WDR54: variants seen among roughly 807,000 people sequenced by gnomAD.
WDR54 encodes WD repeat-containing protein 54.
WDR54 carries 44 observed loss-of-function variants against 44.1 expected under a neutral mutation model. That is an observed-to-expected ratio of 1.00 (90% confidence interval 0.78 to 1.28). The LOEUF is 1.28. Among genes scored for constraint, WDR54 ranks in the 50% most tolerant of loss-of-function variants. WDR54 has a pLI of 0.00. For missense variants in WDR54, 409 were observed against 429.7 expected, an observed-to-expected ratio of 0.95 and a Z score of 0.43; for synonymous variants, 169 against 169.8, an observed-to-expected ratio of 1.00 and a Z score of 0.04.
Position 74,425,441 on chromosome 2 carries a change from T to G in WDR54, c.823T>G (p.Phe275Val). 6.2e-7 allele frequency: 1 copy of G among 1,614,224 alleles called. No homozygotes were observed. The highest frequency in any genetic ancestry group is 8.5e-7 in the Non-Finnish European group (1 of 1,180,034). ...GCTACTCTCTGCAGGTGAGGACACC[T>G]TTGTGCATATCTGGAAGCTGAGCAG... ...GKLLSAGEDTFVHIWKLSRNP... is the reference protein window; with the variant it reads ...GKLLSAGEDTVVHIWKLSRNP... Residue 275 changes from phenylalanine (F) to valine (V), a missense_variant, in exon 9 of 10, where the codon TTT becomes GTT. Physicochemically the swap from Phe to Val is conservative, Grantham distance 50 (BLOSUM62 -1). Coordinates refer to ENST00000348227, the MANE Select transcript of WDR54 (RefSeq NM_032118.4).
chr2:74,425,752 C>T lies in WDR54; in HGVS notation c.*51C>T. 1.2e-6 allele frequency: 2 copies of T among 1,611,956 alleles called. No homozygotes were observed. Among genetic ancestry groups the T allele is most frequent in the Non-Finnish European group, 1.7e-6 (2 of 1,179,222 alleles). On this transcript the variant is annotated 3_prime_UTR_variant, in exon 10 of 10. Transcript: ENST00000348227. The stretch of plus-strand genomic sequence containing the variant: ...TGGTATTCATAAAGTACCCGCTCCA[C>T]CCAGCCTTTGTCTGATTACTCAGTA...
chr2:74,424,098 TTTTCCTAGTC>T, intron 6 of WDR54, 116 bp downstream of exon 6: 1 of 1,332,022 alleles, frequency 7.5e-7, no homozygotes, highest in Non-Finnish European at 1.0e-6. Flanking sequence ...CAAATCTACA[TTTTCCTAGTC>T]TTCAGCAACC....
At chr2:74,423,452 T>C in intron 4 of WDR54, 26 bp from the exon 5 acceptor site, 1 of 1,613,940 alleles carries the variant, frequency 6.2e-7, no homozygotes, top group Non-Finnish European at 8.5e-7. Context: ...GGGATATTTC[T>C]GATCATTCTC....
chr2:74,425,569 G>A lies in WDR54; in HGVS notation c.874-1G>A. 8 of 1,614,242 alleles carry A rather than the reference G, an allele frequency of 5.0e-6. No individual in the cohort carries two copies. The highest frequency in any genetic ancestry group is 6.8e-6 in the Non-Finnish European group (8 of 1,180,040). On this transcript the variant is annotated splice_acceptor_variant, in intron 9 of 9. Transcript: ENST00000348227. LOFTEE classifies it high-confidence loss of function. The stretch of plus-strand genomic sequence containing the variant: ...CCCTGACGAGCCCTCTGCTCCCCCA[G>A]GTGGAACACTGTCATGGTGAGTGTG...
At position 74,422,175 on chromosome 2, in the gene WDR54, A is replaced by T; in HGVS notation, c.22A>T (p.Ile8Phe). 2 of 1,613,310 alleles carry T rather than the reference A, an allele frequency of 1.2e-6. No individual in the cohort carries two copies. Among genetic ancestry groups the T allele is most frequent in the Non-Finnish European group, 8.5e-7 (1 of 1,180,018 alleles). Residue 8 changes from isoleucine to phenylalanine, a missense_variant, in exon 2 of 10, where the codon ATT becomes TTT. Transcript: ENST00000348227. The stretch of plus-strand genomic sequence containing the variant: ...CAGGATGTTCCGCTGGGAGCGCTCC[A>T]TTCCCCTGCGAGGCTCGGCCGCCGC... MFRWERS[I>F]PLRGSAAALC...
intron 6 of WDR54, 152 bp from the exon 7 acceptor site, chr2:74,424,723 G>A: frequency 1.2e-6 from 1 of 850,390 alleles, no homozygotes; most frequent in South Asian, 1.6e-5. Context: ...TGGTAGGGGT[G>A]GTTTCTGATG....
In WDR54 at chr2:74,422,930, C is replaced by CTCACCTCACATCG; in HGVS notation, c.283_284insTCACCTCACATCG (p.Gln95LeufsTer56). On this transcript the variant is annotated frameshift_variant and splice_region_variant, in exon 3 of 10. Coordinates refer to ENST00000348227, the MANE Select transcript of WDR54 (RefSeq NM_032118.4). LOFTEE classifies it high-confidence loss of function. Reference sequence around the variant, plus strand: ...GGTACTCACCTCACATCGAGGAATACAGGTAAGAAGAGGACTCTCCTGCTT... The same window carrying CTCACCTCACATCG: ...GGTACTCACCTCACATCGAGGAATACTCACCTCACATCGAGGTAAGAAGAGGACTCTCCTGCTT... 1 of 1,614,118 alleles carries CTCACCTCACATCG rather than the reference C, an allele frequency of 6.2e-7. No homozygotes were observed.
chr2:74,425,483 T>C lies in WDR54; in HGVS notation c.865T>C (p.Tyr289His). The change falls in exon 9 of 10, where the codon TAC becomes CAC. Residue 289 changes from tyrosine (Y) to histidine (H), a missense_variant. Physicochemically the swap from Tyr to His is moderately conservative, Grantham distance 83 (BLOSUM62 2). Coordinates refer to ENST00000348227, the MANE Select transcript of WDR54 (RefSeq NM_032118.4). ...WKLSRNPESG[Y>H]IEVEHCHGEC... ...GCTGAGCAGAAACCCAGAGAGTGGC[T>C]ACATTGAGGTATGTGTCATGGGGTG... 1 of 1,614,186 alleles carries C rather than the reference T, an allele frequency of 6.2e-7. No individual in the cohort carries two copies. The highest frequency in any genetic ancestry group is 8.5e-7 in the Non-Finnish European group (1 of 1,180,026).
intron 2 of WDR54, 132 bp downstream of exon 2, chr2:74,422,507 C>CAGGCA: frequency 8.7e-7 from 1 of 1,155,368 alleles, no homozygotes; most frequent in Non-Finnish European, 1.2e-6. Context: ...AGAATCTCCC[C>CAGGCA]TCTCCTGCCG....
chr2:74,422,247 A>C lies in WDR54; in HGVS notation c.94A>C (p.Thr32Pro), dbSNP rs1670135514. 1.2e-6 allele frequency: 2 copies of C among 1,614,024 alleles called. No homozygotes were observed. The highest frequency in any genetic ancestry group is 1.3e-5 in the African/African-American group (1 of 74,990). Residue 32 changes from threonine (T) to proline (P), a missense_variant, in exon 2 of 10, where the codon ACG becomes CCG. Transcript: ENST00000348227. ...SVLQLPARNL[T>P]YFGVVHGPSA... ...GCTGCAGCTGCCGGCTCGCAACCTC[A>C]CGTATTTTGGCGTGGTTCATGGACC...
rs201341673 is a variant in WDR54, at chr2:74,422,169, C to T, written c.16C>T (p.Arg6Cys). 2 of 1,612,788 alleles carry T rather than the reference C, an allele frequency of 1.2e-6. No homozygotes were observed. Among genetic ancestry groups the T allele is most frequent in the Non-Finnish European group, 1.7e-6 (2 of 1,179,880 alleles). Residue 6 changes from arginine (R) to cysteine (C), a missense_variant, in exon 2 of 10, where the codon CGC (arginine) becomes TGC (cysteine). Physicochemically the swap from Arg to Cys is radical, Grantham distance 180 (BLOSUM62 -3). Coordinates refer to ENST00000348227, the MANE Select transcript of WDR54 (RefSeq NM_032118.4). Reference protein sequence around the residue: MFRWERSIPLRGSAAA... With the variant: MFRWECSIPLRGSAAA... Reference sequence around the variant, plus strand: ...CCCACACAGGATGTTCCGCTGGGAGCGCTCCATTCCCCTGCGAGGCTCGGC... The same window carrying T: ...CCCACACAGGATGTTCCGCTGGGAGTGCTCCATTCCCCTGCGAGGCTCGGC...
At chr2:74,422,605 C>A in intron 2 of WDR54, 1 of 618,206 alleles carries the variant, frequency 1.6e-6, no homozygotes, top group Non-Finnish European at 2.8e-6. Context: ...GCCTGGCCAA[C>A]ATGGTGAAAC....
intron 3 of WDR54, 24 bp downstream of exon 3, chr2:74,422,956 G>C: frequency 6.2e-7 from 1 of 1,613,114 alleles, no homozygotes; most frequent in South Asian, 1.1e-5. Context: ...TCTCCTGCTT[G>C]CCCCACCAGA....
rs1273986967 is a variant in WDR54, at chr2:74,425,161, C to T, written c.722C>T (p.Thr241Ile). 1.3e-6 allele frequency: 2 copies of T among 1,552,180 alleles called. No homozygotes were observed. Among genetic ancestry groups the T allele is most frequent in the Non-Finnish European group, 1.7e-6 (2 of 1,145,412 alleles). ...NGQVHLYEAT[T>I]GNLHVQINAH... The stretch of plus-strand genomic sequence containing the variant: ...CAAGTGCATCTATATGAGGCCACTA[C>T]AGGAAATCTACATGTCCAGATCAAT... The change falls in exon 8 of 10, where the codon ACA becomes ATA. Residue 241 changes from threonine to isoleucine, a missense_variant. Thr to Ile is a moderately conservative substitution (Grantham distance 89, BLOSUM62 -1). Transcript: ENST00000348227.
At position 74,423,932 on chromosome 2, in the gene WDR54, G is replaced by T; in HGVS notation, c.484G>T (p.Gly162Trp). ...CATTGTACTGAGCGAGGAGCTGGCT[G>T]GGCACCAGATGCCAATCACAGACAT... Reference protein sequence around the residue: ...PNIVLSEELAGHQMPITDIAT... With the variant: ...PNIVLSEELAWHQMPITDIAT... The change falls in exon 6 of 10, where the codon GGG becomes TGG. Residue 162 changes from glycine (G) to tryptophan (W), a missense_variant. Gly to Trp is a radical substitution (Grantham distance 184). Coordinates refer to ENST00000348227, the MANE Select transcript of WDR54 (RefSeq NM_032118.4). 2.5e-6 allele frequency: 4 copies of T among 1,614,144 alleles called. No individual in the cohort carries two copies. The highest frequency in any genetic ancestry group is 3.4e-6 in the Non-Finnish European group (4 of 1,180,028).
In WDR54 at chr2:74,425,557, T is replaced by G. The variant is rs1670340992; in HGVS notation, c.874-13T>G. Reference sequence around the variant, plus strand: ...TGGGGCAGCAGGCCCTGACGAGCCCTCTGCTCCCCCAGGTGGAACACTGTC... The same window carrying G: ...TGGGGCAGCAGGCCCTGACGAGCCCGCTGCTCCCCCAGGTGGAACACTGTC... On this transcript the variant is annotated splice_polypyrimidine_tract_variant and intron_variant, in intron 9 of 9. Coordinates refer to ENST00000348227, the MANE Select transcript of WDR54 (RefSeq NM_032118.4). The G allele has an allele frequency of 6.2e-7, 1 of 1,614,090 alleles. No homozygotes were observed. The highest frequency in any genetic ancestry group is 1.7e-5 in the Admixed American group (1 of 60,010).
intron 2 of WDR54, 75 bp downstream of exon 2, chr2:74,422,450 G>A: frequency 6.8e-7 from 1 of 1,469,680 alleles, no homozygotes; most frequent in Non-Finnish European, 9.2e-7. Context: ...ACCTTCAGGA[G>A]CAGGCATGTC....
At chr2:74,423,793 A>G (rs934282014) in intron 5 of WDR54, 62 bp from the exon 6 acceptor site, 3 of 1,595,792 alleles carry the variant, frequency 1.9e-6, no homozygotes, top group Non-Finnish European at 2.6e-6. Context: ...AGTGTTGAGT[A>G]TGGTGGCTGG....
chr2:74,423,120 GCC>G, intron 3 of WDR54, 188 bp downstream of exon 3: 1 of 815,186 alleles, frequency 1.2e-6, no homozygotes, highest in South Asian at 1.6e-5. Context: ...TCCAGTATCT[GCC>G]CCTTTACTAG....
Sources: allele counts gnomAD v4.1 joint callset, GRCh38; gene constraint gnomAD v4.1.1; transcripts MANE v1.5; gene names NCBI Gene and HGNC (gene_info 2026-07-23, HGNC 2026-07-21).